SNTB1: variants seen among roughly 807,000 people sequenced by gnomAD.
SNTB1 encodes the protein syntrophin beta 1.
A neutral mutation model predicts 48.9 loss-of-function variants in SNTB1; 36 were observed. The observed-to-expected ratio is 0.74, with a 90% CI of 0.56 to 0.97. The LOEUF (loss-of-function observed/expected upper bound fraction) is 0.97, where lower values mean the gene tolerates loss of function less well. Among genes scored for constraint, SNTB1 ranks in the 50% least tolerant of loss-of-function variants. The pLI, the probability that SNTB1 is intolerant of heterozygous loss-of-function variation, is 0.00. For synonymous variants in SNTB1, 299 were observed against 294.6 expected (o/e 1.01, Z -0.15); for missense variants, 786 against 703.4 (o/e 1.12, Z -1.33).
At chr8:120,730,548 T>G (rs1043367309) in intron 1 of SNTB1, among the ~76,000 whole-genome samples, 6 of 152,202 alleles carry the variant, frequency 3.9e-5, no homozygotes. Context: ...AAAATGAGTT[T>G]GATTTTACAA....
intron 3 of SNTB1, among the ~76,000 whole-genome samples, chr8:120,625,825 A>T (rs1005262425): frequency 6.6e-6 from 1 of 152,208 alleles, no homozygotes; most frequent in Non-Finnish European, 1.5e-5. Context: ...GGTAGCTTGG[A>T]CAGTAGTTCT....
At chr8:120,605,472 G>A (rs1207338885) in intron 3 of SNTB1, among the ~76,000 whole-genome samples, 1 of 152,140 alleles carries the variant, frequency 6.6e-6, no homozygotes, top group Non-Finnish European at 1.5e-5. Flanking sequence ...CAAGAGTAGT[G>A]TATGTTCACA....
chr8:120,609,206 C>A (rs951167209), intron 3 of SNTB1, among the ~76,000 whole-genome samples: 1 of 152,168 alleles, frequency 6.6e-6, no homozygotes, highest in Non-Finnish European at 1.5e-5. Context: ...AGTAATAAAT[C>A]TAGTTCCAGG....
At chr8:120,618,438 C>T (rs1816748145) in intron 3 of SNTB1, among the ~76,000 whole-genome samples, 1 of 152,212 alleles carries the variant, frequency 6.6e-6, no homozygotes, top group South Asian at 2.1e-4. Context: ...TCTACCTCCC[C>T]TGCTGAAAGT....
intron 3 of SNTB1, among the ~76,000 whole-genome samples, chr8:120,627,773 G>A (rs1816908309): frequency 6.6e-6 from 1 of 152,190 alleles, no homozygotes; most frequent in African/African-American, 2.4e-5. Context: ...AGATGGGATT[G>A]TTGGAGGCAT....
At chr8:120,739,380 A>T (rs1008751382) in intron 1 of SNTB1, among the ~76,000 whole-genome samples, 1 of 152,180 alleles carries the variant, frequency 6.6e-6, no homozygotes, top group Non-Finnish European at 1.5e-5. Context: ...AGGACTTCCA[A>T]CAATGGGGGT....
chr8:120,623,932 TTTTG>T (rs1203403200), intron 3 of SNTB1, among the ~76,000 whole-genome samples: 1 of 152,022 alleles, frequency 6.6e-6, no homozygotes, highest in South Asian at 2.1e-4. Flanking sequence ...CTGGGTAATT[TTTTG>T]TTTGTTTGTT....
intron 2 of SNTB1, among the ~76,000 whole-genome samples, chr8:120,663,856 G>A (rs922669724): frequency 6.6e-6 from 1 of 152,142 alleles, no homozygotes; most frequent in African/African-American, 2.4e-5. Flanking sequence ...GAATGCTTGA[G>A]ATACTAAAGA....
At chr8:120,584,104 A>G (rs1440565793) in intron 3 of SNTB1, among the ~76,000 whole-genome samples, 15 of 152,180 alleles carry the variant, frequency 9.9e-5, no homozygotes, top group Admixed American at 9.8e-4. Context: ...ACTTGAGGTC[A>G]AGACCAGCCT....
At chr8:120,710,248 G>C (rs1818441938) in intron 1 of SNTB1, among the ~76,000 whole-genome samples, 1 of 152,182 alleles carries the variant, frequency 6.6e-6, no homozygotes, top group Non-Finnish European at 1.5e-5. Flanking sequence ...GAAGGGGGCG[G>C]AGGTTGTGGG....
intron 1 of SNTB1, among the ~76,000 whole-genome samples, chr8:120,801,527 AT>A (rs1212154715): frequency 1.3e-5 from 2 of 152,126 alleles, no homozygotes; most frequent in Non-Finnish European, 2.9e-5. Flanking sequence ...CTGTAATGGA[AT>A]GAAAATTTTG....
intron 3 of SNTB1, among the ~76,000 whole-genome samples, chr8:120,610,414 G>C (rs369797340): frequency 6.6e-6 from 1 of 152,180 alleles, no homozygotes; most frequent in Non-Finnish European, 1.5e-5. Flanking sequence ...GATTACGGGC[G>C]TGAGCCACTG....
chr8:120,690,000 T>C (rs763092489), intron 2 of SNTB1, among the ~76,000 whole-genome samples: 1 of 152,210 alleles, frequency 6.6e-6, no homozygotes, highest in Non-Finnish European at 1.5e-5. Flanking sequence ...GTCTTCCATA[T>C]AATTATAGTA....
intron 1 of SNTB1, among the ~76,000 whole-genome samples, chr8:120,734,400 T>C (rs575990965): frequency 1.3e-5 from 2 of 151,362 alleles, no homozygotes; most frequent in Admixed American, 1.3e-4. Flanking sequence ...TGAGCCAAGA[T>C]TGCACCATTG....
intron 3 of SNTB1, among the ~76,000 whole-genome samples, chr8:120,607,833 C>T (rs892997810): frequency 6.6e-6 from 1 of 152,144 alleles, no homozygotes; most frequent in African/African-American, 2.4e-5. Context: ...GTGGTTCCTG[C>T]AAGGTGAAAT....
intron 3 of SNTB1, among the ~76,000 whole-genome samples, chr8:120,598,690 A>G (rs1180935392): frequency 6.6e-6 from 1 of 152,186 alleles, no homozygotes; most frequent in East Asian, 1.9e-4. Flanking sequence ...ATAGTTCTGG[A>G]GGCCAAAAGT....
At chr8:120,724,258 G>A (rs1421082487) in intron 1 of SNTB1, among the ~76,000 whole-genome samples, 1 of 152,170 alleles carries the variant, frequency 6.6e-6, no homozygotes, top group Non-Finnish European at 1.5e-5. Context: ...ACAAAGTTTG[G>A]GCTTTGAGAT....
chr8:120,612,037 A>G (rs763777025), intron 3 of SNTB1, among the ~76,000 whole-genome samples: 9 of 152,006 alleles, frequency 5.9e-5, no homozygotes, highest in African/African-American at 1.2e-4. Context: ...TTTCCATTTG[A>G]TTTCATTCAC....
At chr8:120,780,372 A>G (rs2130127449) in intron 1 of SNTB1, among the ~76,000 whole-genome samples, 1 of 152,240 alleles carries the variant, frequency 6.6e-6, no homozygotes, top group South Asian at 2.1e-4. Flanking sequence ...GTGTTTTCTG[A>G]CTCCACTTTG....
Sources: allele counts gnomAD v4.1 joint callset (sites outside exome capture counted in the v4.1 genomes callset), GRCh38; gene constraint gnomAD v4.1.1; transcripts MANE v1.5; gene names NCBI Gene and HGNC (gene_info 2026-07-23, HGNC 2026-07-21).